The following PRUNE2 variants were observed in gnomAD, a reference collection of about 807,000 sequenced individuals.
The protein encoded by PRUNE2 is prune homolog 2 with BCH domain, also known as protein prune homolog 2.
PRUNE2 carries 164 observed loss-of-function variants against 252.0 expected under a neutral mutation model. The ratio of observed to expected loss-of-function variants is 0.65; its 90% CI spans 0.57 to 0.74. The LOEUF (loss-of-function observed/expected upper bound fraction) is 0.74. PRUNE2 is among the 30% of genes least tolerant of loss of function. The pLI is 0.00. For missense variants in PRUNE2, 3,495 were observed against 3,711.0 expected (o/e 0.94, Z 1.51); for synonymous variants, 1,292 against 1,350.2 (o/e 0.96, Z 0.94).
chr9:76,881,117 G>A (rs772229157), intron 1 of PRUNE2, among the ~76,000 whole-genome samples: 4 of 151,998 alleles, frequency 2.6e-5, no homozygotes, highest in South Asian at 2.1e-4. Flanking sequence ...ACAGGCGTGC[G>A]CCACCATACC....
At chr9:76,647,510 A>G (rs533533957) in intron 11 of PRUNE2, among the ~76,000 whole-genome samples, 1 of 150,238 alleles carries the variant, frequency 6.7e-6, no homozygotes, top group Non-Finnish European at 1.5e-5. Flanking sequence ...CCATGAAAGA[A>G]ATAATTGATA....
intron 6 of PRUNE2, among the ~76,000 whole-genome samples, chr9:76,744,964 A>G (rs1185325238): frequency 6.6e-6 from 1 of 152,192 alleles, no homozygotes; most frequent in East Asian, 1.9e-4. Flanking sequence ...GAGAAGGCCC[A>G]AGGTCAAGCC....
At chr9:76,640,332 T>C (rs1464428276) in intron 12 of PRUNE2, among the ~76,000 whole-genome samples, 3 of 152,202 alleles carry the variant, frequency 2.0e-5, no homozygotes, top group African/African-American at 7.2e-5. Flanking sequence ...AGTGTGACTC[T>C]ACTGCAAAAA....
In PRUNE2 at chr9:76,703,542, C is replaced by A. The variant is rs753460399; in HGVS notation, c.8071G>T (p.Ala2691Ser). 1 of 1,613,836 alleles carries A rather than the reference C, an allele frequency of 6.2e-7. No homozygotes were observed. Among genetic ancestry groups the A allele is most frequent in the South Asian group, 1.1e-5 (1 of 91,082 alleles). The change falls in exon 9 of 19, where the codon GCC becomes TCC. Residue 2691 changes from alanine to serine, a missense_variant. By Grantham distance (99) the Ala-to-Ser change is moderately conservative (BLOSUM62 1). Coordinates refer to ENST00000376718, the MANE Select transcript of PRUNE2 (RefSeq NM_015225.3). Reference protein sequence around the residue: ...KPLESLALEEASGPVSQSQKS... With the variant: ...KPLESLALEESSGPVSQSQKS... ...TGTGATTGGCTGACTGGACCAGAGGCTTCCTCTAGTGCCAAAGATTCTAGA... is the reference window on the plus strand; with the variant it reads ...TGTGATTGGCTGACTGGACCAGAGGATTCCTCTAGTGCCAAAGATTCTAGA...
intron 1 of PRUNE2, among the ~76,000 whole-genome samples, chr9:76,888,593 A>G (rs1350998763): frequency 7.9e-6 from 1 of 126,460 alleles, no homozygotes; most frequent in East Asian, 2.2e-4. Flanking sequence ...AATAATAATA[A>G]CTATTATTAT....
In PRUNE2 at chr9:76,710,382, GTA is replaced by G; in HGVS notation, c.1890_1891del (p.Thr631ArgfsTer9). The G allele has an allele frequency of 1.9e-6, 3 of 1,613,954 alleles. No homozygotes were observed. The highest frequency in any genetic ancestry group is 2.5e-6 in the Non-Finnish European group (3 of 1,179,864). On this transcript the variant is annotated frameshift_variant, in exon 8 of 19. Coordinates refer to ENST00000376718, the MANE Select transcript of PRUNE2 (RefSeq NM_015225.3). LOFTEE classifies it high-confidence loss of function. ...AGTTGCTTTTTGGGTCATATCTTCTGTATAGAGTGAGGCTGGTTCTTCAGTGG... is the reference window on the plus strand; with the variant it reads ...AGTTGCTTTTTGGGTCATATCTTCTGTAGAGTGAGGCTGGTTCTTCAGTGG...
Position 76,637,549 on chromosome 9 carries a change from T to C in PRUNE2, c.8832A>G (p.Leu2944=). 6.2e-7 allele frequency: 1 copy of C among 1,610,604 alleles called. No individual in the cohort carries two copies. Among genetic ancestry groups the C allele is most frequent in the Non-Finnish European group, 8.5e-7 (1 of 1,178,570 alleles). The change falls in exon 14 of 19, where the codon CTA becomes CTG. Residue 2944 remains leucine (L), a splice_region_variant and synonymous_variant. Coordinates refer to ENST00000376718, the MANE Select transcript of PRUNE2 (RefSeq NM_015225.3). The stretch of plus-strand genomic sequence containing the variant: ...TCAACTCTAAAGTACTTATTACATA[T>C]CTGATCACAGGAAGGAAGAGGAATG... The part of the protein sequence containing the change: ...DYHYVMENLF[L]YVISTLELMV...
At chr9:76,884,250 A>G (rs2061959675) in intron 1 of PRUNE2, among the ~76,000 whole-genome samples, 1 of 152,156 alleles carries the variant, frequency 6.6e-6, no homozygotes, top group Non-Finnish European at 1.5e-5. Context: ...CCCACCCTAG[A>G]GCTAAGGAAA....
chr9:76,637,632 G>A (rs1165151371), intron 13 of PRUNE2, 83 bp from the exon 14 acceptor site: 1 of 1,282,866 alleles, frequency 7.8e-7, no homozygotes, highest in African/African-American at 1.5e-5. Flanking sequence ...AGTACAGGGT[G>A]TATGAAATTT....
intron 6 of PRUNE2, among the ~76,000 whole-genome samples, chr9:76,731,464 G>A (rs2048600066): frequency 6.6e-6 from 1 of 151,500 alleles, no homozygotes; most frequent in Admixed American, 6.6e-5. Context: ...CTGGACTGCA[G>A]GCACACACCA....
At chr9:76,657,511 G>A (rs1358337875) in intron 9 of PRUNE2, among the ~76,000 whole-genome samples, 2 of 152,212 alleles carry the variant, frequency 1.3e-5, no homozygotes, top group African/African-American at 2.4e-5. Flanking sequence ...AATTGCAGGA[G>A]TCCTGCCTGG....
chr9:76,742,631 GAAAGA>G (rs750986680), intron 6 of PRUNE2, among the ~76,000 whole-genome samples: 28 of 151,000 alleles, frequency 1.9e-4, no homozygotes, highest in Non-Finnish European at 3.8e-4. Context: ...AAAAAAGAAA[GAAAGA>G]AAAGAAAAAG....
chr9:76,859,196 A>T (rs1322892138), intron 1 of PRUNE2, among the ~76,000 whole-genome samples: 1 of 152,210 alleles, frequency 6.6e-6, no homozygotes, highest in East Asian at 1.9e-4. Flanking sequence ...TAATCAATGT[A>T]AAAAAGAAAG....
chr9:76,801,346 C>A (rs1235235876), intron 6 of PRUNE2, among the ~76,000 whole-genome samples: 1 of 152,120 alleles, frequency 6.6e-6, no homozygotes, highest in Non-Finnish European at 1.5e-5. Flanking sequence ...GTTTGGAATG[C>A]AAAATAGATC....
At chr9:76,787,634 T>A (rs1769768662) in intron 6 of PRUNE2, 1 of 113,764 alleles carries the variant, frequency 8.8e-6, no homozygotes, top group South Asian at 2.3e-4. Context: ...TATAAATTTA[T>A]TTTTTTAAGG....
chr9:76,841,213 G>A (rs1323309565), intron 4 of PRUNE2, among the ~76,000 whole-genome samples: 1 of 152,048 alleles, frequency 6.6e-6, no homozygotes, highest in African/African-American at 2.4e-5. Context: ...AGCACAAGGG[G>A]TCGGGGAACT....
chr9:76,867,881 T>C (rs1344755731), intron 1 of PRUNE2, among the ~76,000 whole-genome samples: 1 of 152,150 alleles, frequency 6.6e-6, no homozygotes, highest in Non-Finnish European at 1.5e-5. Context: ...GGTTTTGCTT[T>C]TTTCTCTTAA....
chr9:76,652,388 C>A, intron 11 of PRUNE2, 95 bp downstream of exon 11: 1 of 840,906 alleles, frequency 1.2e-6, no homozygotes, highest in Non-Finnish European at 1.9e-6. Context: ...CTAGAAATCA[C>A]AAAAAGGATC....
intron 9 of PRUNE2, among the ~76,000 whole-genome samples, chr9:76,696,439 GTTTT>G (rs2045390957): frequency 6.6e-6 from 1 of 151,878 alleles, no homozygotes; most frequent in East Asian, 1.9e-4. Flanking sequence ...CTTCCACTAG[GTTTT>G]TTGTTTGTTT....
Sources: gnomAD v4.1 joint callset for allele counts (sites outside exome capture counted in the v4.1 genomes callset) on GRCh38, gnomAD v4.1.1 for gene constraint, MANE v1.5 for transcripts, NCBI Gene and HGNC (gene_info 2026-07-23, HGNC 2026-07-21) for gene names.